Variants in MEOX1 observed in about 807,000 individuals in gnomAD.
MEOX1 encodes the protein mesenchyme homeobox 1.
In MEOX1, 17 loss-of-function variants were observed where a neutral mutation model predicts 23.2. The ratio of observed to expected loss-of-function variants is 0.73; its 90% CI spans 0.50 to 1.10. MEOX1 has a LOEUF of 1.10. Among genes scored for constraint, MEOX1 ranks in the 50% least tolerant of loss-of-function variants. The probability of loss-of-function intolerance (pLI) is 0.00; values close to 1 mark genes in which losing one functional copy is unlikely to be tolerated. For synonymous variants in MEOX1, 134 were observed against 135.1 expected (o/e 0.99, Z 0.06); for missense variants, 333 against 332.2 (o/e 1.00, Z -0.02).
chr17:43,647,450 G>T (rs1375938521), intron 1 of MEOX1, among the ~76,000 whole-genome samples: 10 of 152,214 alleles, frequency 6.6e-5, no homozygotes, highest in Admixed American at 5.2e-4. Flanking sequence ...TTAGGTGACA[G>T]AAGGGAGATT....
Position 43,661,550 on chromosome 17 carries a change from C to T in MEOX1, c.-16G>A, listed in dbSNP as rs367598771. ...CGGGATCCATCTGCTGTCCGCTGCA[C>T]GCCTCGGTCCTTTCAAAGATTTGAT... On this transcript the variant is annotated 5_prime_UTR_variant, in exon 1 of 3. The change creates a new upstream start codon in the 5' untranslated region. Coordinates refer to ENST00000318579, the MANE Select transcript of MEOX1 (RefSeq NM_004527.4). The T allele has an allele frequency of 7.9e-6, 11 of 1,389,092 alleles. No individual in the cohort carries two copies. The highest frequency in any genetic ancestry group is 7.6e-6 in the Non-Finnish European group (8 of 1,049,328). 86.0% of individuals were successfully genotyped at this position (1,389,092 alleles called of 1,614,324 possible). A position where few individuals can be genotyped will look rare whatever the true frequency, so the allele number is the denominator to read the frequency against.
rs777237192 is a variant in MEOX1, at chr17:43,661,083, C to T, written c.452G>A (p.Arg151Gln). The stretch of plus-strand genomic sequence containing the variant: ...CCACCTACCTGAACTCTCCTTTCTC[C>T]GCCTGGATGATTTCTTCTCTGTCTC... ...ANETEKKSSRRRKESSDNQEN... is the reference protein window; with the variant it reads ...ANETEKKSSRQRKESSDNQEN... The change falls in exon 1 of 3, where the codon CGG (arginine) becomes CAG (glutamine). Residue 151 changes from arginine (R) to glutamine (Q), a missense_variant. Arg to Gln is a conservative substitution (Grantham distance 43, BLOSUM62 1). Transcript: ENST00000318579. The T allele has an allele frequency of 2.3e-5, 35 of 1,498,488 alleles. No homozygotes were observed. The highest frequency in any genetic ancestry group is 1.7e-4 in the South Asian group (12 of 71,912). The allele number at this position is 1,498,488 out of a possible 1,614,324, so 92.8% of individuals were successfully genotyped here. A position where few individuals can be genotyped will look rare whatever the true frequency, so the allele number is the denominator to read the frequency against.
chr17:43,658,658 G>T (rs1331626483), intron 1 of MEOX1, among the ~76,000 whole-genome samples: 1 of 152,162 alleles, frequency 6.6e-6, no homozygotes, highest in African/African-American at 2.4e-5. Flanking sequence ...CTCTCTGTGG[G>T]TTTGCCTTTT....
intron 1 of MEOX1, among the ~76,000 whole-genome samples, chr17:43,646,022 A>T (rs896603559): frequency 6.6e-6 from 1 of 151,976 alleles, no homozygotes; most frequent in Non-Finnish European, 1.5e-5. Flanking sequence ...AAGGCGGGGG[A>T]GGGGCCCGAT....
intron 1 of MEOX1, among the ~76,000 whole-genome samples, chr17:43,650,444 A>G (rs1322482814): frequency 6.6e-6 from 1 of 152,156 alleles, no homozygotes; most frequent in Non-Finnish European, 1.5e-5. Flanking sequence ...CCCGTTGAAC[A>G]TATGAGCAAT....
At chr17:43,658,411 A>T (rs1598268373) in intron 1 of MEOX1, among the ~76,000 whole-genome samples, 1 of 152,006 alleles carries the variant, frequency 6.6e-6, no homozygotes, top group East Asian at 1.9e-4. Context: ...GGAGGCTGAG[A>T]CAGGAGAATT....
Position 43,661,362 on chromosome 17 carries a change from G to T in MEOX1, c.173C>A (p.Ala58Glu), listed in dbSNP as rs772324879. 2.5e-6 allele frequency: 4 copies of T among 1,613,794 alleles called. No homozygotes were observed. The African/African-American group carries it at 4.0e-5, about 16-fold the overall frequency. The change falls in exon 1 of 3, where the codon GCG becomes GAG. Residue 58 changes from alanine to glutamate, a missense_variant. Coordinates refer to ENST00000318579, the MANE Select transcript of MEOX1 (RefSeq NM_004527.4). ...KPDFLATATA[A>E]YPDFSASCLA... ...GCAGGAGGCTGAGAAGTCAGGGTAC[G>T]CTGCCGTCGCTGTCGCCAGGAAGTC...
At chr17:43,644,416 CA>C (rs1174092655) in intron 1 of MEOX1, among the ~76,000 whole-genome samples, 1 of 152,232 alleles carries the variant, frequency 6.6e-6, no homozygotes, top group African/African-American at 2.4e-5. Flanking sequence ...CCAACAGGGT[CA>C]GGGGACACAC....
intron 1 of MEOX1, among the ~76,000 whole-genome samples, chr17:43,658,521 AAG>A (rs1555568051): frequency 6.6e-6 from 1 of 151,948 alleles, no homozygotes; most frequent in African/African-American, 2.4e-5. Flanking sequence ...AAAAAAAAAA[AAG>A]AATATTTTAA....
intron 1 of MEOX1, among the ~76,000 whole-genome samples, chr17:43,655,417 G>A (rs1972995417): frequency 6.6e-6 from 1 of 151,514 alleles, no homozygotes; most frequent in Admixed American, 6.6e-5. Context: ...GTTGCAGTGA[G>A]CCGAGATCGC....
At chr17:43,659,088 G>A (rs1254345681) in intron 1 of MEOX1, among the ~76,000 whole-genome samples, 2 of 152,224 alleles carry the variant, frequency 1.3e-5, no homozygotes, top group Non-Finnish European at 2.9e-5. Context: ...GCCAAAAAGA[G>A]AGCTGGTGCA....
chr17:43,649,168 G>A (rs1972865581), intron 1 of MEOX1, among the ~76,000 whole-genome samples: 1 of 152,030 alleles, frequency 6.6e-6, no homozygotes. Flanking sequence ...CCATCAGAAA[G>A]AGTTCTATTG....
At chr17:43,650,308 G>A (rs1972891538) in intron 1 of MEOX1, among the ~76,000 whole-genome samples, 1 of 152,176 alleles carries the variant, frequency 6.6e-6, no homozygotes, top group South Asian at 2.1e-4. Flanking sequence ...AGGACACACG[G>A]CAAGTTAGGG....
At chr17:43,658,113 A>T (rs767393765) in intron 1 of MEOX1, among the ~76,000 whole-genome samples, 1 of 152,260 alleles carries the variant, frequency 6.6e-6, no homozygotes, top group Non-Finnish European at 1.5e-5. Context: ...AGAACTATGG[A>T]AAACGCGTTT....
Position 43,661,100 on chromosome 17 carries a change from C to T in MEOX1, c.435G>A (p.Glu145=). 2 of 1,502,868 alleles carry T rather than the reference C, an allele frequency of 1.3e-6. No individual in the cohort carries two copies. Among genetic ancestry groups the T allele is most frequent in the South Asian group, 1.4e-5 (1 of 72,638 alleles). 93.1% of individuals were successfully genotyped at this position (1,502,868 alleles called of 1,614,324 possible). Residue 145 remains glutamate, a synonymous_variant, in exon 1 of 3, where the codon GAG becomes GAA. Transcript: ENST00000318579. The part of the protein sequence containing the change: ...GVLGSTANET[E]KKSSRRRKES... ...CCTTTCTCCGCCTGGATGATTTCTTCTCTGTCTCATTGGCAGTGCTCCCAA... is the reference window on the plus strand; with the variant it reads ...CCTTTCTCCGCCTGGATGATTTCTTTTCTGTCTCATTGGCAGTGCTCCCAA...
intron 1 of MEOX1, among the ~76,000 whole-genome samples, chr17:43,656,729 C>A (rs1355136097): frequency 6.6e-6 from 1 of 152,170 alleles, no homozygotes; most frequent in African/African-American, 2.4e-5. Context: ...TCACACGCAA[C>A]CTTCCCTTGA....
chr17:43,655,420 G>A (rs1365575315), intron 1 of MEOX1, among the ~76,000 whole-genome samples: 9 of 151,050 alleles, frequency 6.0e-5, no homozygotes, highest in Non-Finnish European at 1.2e-4. Context: ...GCAGTGAGCC[G>A]AGATCGCGCC....
At position 43,648,886 on chromosome 17, in the gene MEOX1, A is replaced by G. The variant is rs561632275; in HGVS notation, c.470-5226T>C. ...GGGCCGTTTCTCTCTCCCTGCCTTG[A>G]GCTGTGTGGAGGGAAGTTATATATG... On this transcript the variant is annotated intron_variant, in intron 1 of 2. Coordinates refer to ENST00000318579, the MANE Select transcript of MEOX1 (RefSeq NM_004527.4). 3.9e-5 allele frequency among the ~76,000 whole-genome samples: 6 copies of G among 152,138 alleles called. No homozygotes were observed. The South Asian group carries it at 1.2e-3, about 32-fold the overall frequency.
chr17:43,646,092 C>T (rs909059809), intron 1 of MEOX1, among the ~76,000 whole-genome samples: 1 of 152,170 alleles, frequency 6.6e-6, no homozygotes, highest in African/African-American at 2.4e-5. Flanking sequence ...CGCGTCCGAT[C>T]CGGGTTGGCC....
Sources: allele counts gnomAD v4.1 joint callset (sites outside exome capture counted in the v4.1 genomes callset), GRCh38; gene constraint gnomAD v4.1.1; transcripts MANE v1.5; gene names NCBI Gene and HGNC (gene_info 2026-07-23, HGNC 2026-07-21).